The following FAM78B variants were observed in gnomAD, a reference collection of about 807,000 sequenced individuals.
FAM78B encodes family with sequence similarity 78 member B, also known as protein FAM78B.
FAM78B carries 10 observed loss-of-function variants against 20.0 expected under a neutral mutation model. The observed-to-expected ratio is 0.50, with a 90% CI of 0.31 to 0.85. The LOEUF is 0.85. FAM78B is among the 40% of genes least tolerant of loss of function. The probability of loss-of-function intolerance (pLI) is 0.05; values close to 1 mark genes in which losing one functional copy is unlikely to be tolerated. For missense variants in FAM78B, 283 were observed against 345.0 expected (o/e 0.82, Z 1.42); for synonymous variants, 135 against 132.8 (o/e 1.02, Z -0.12).
chr1:166,096,891 C>G (rs1027586920), intron 1 of FAM78B, among the ~76,000 whole-genome samples: 1 of 152,162 alleles, frequency 6.6e-6, no homozygotes, highest in African/African-American at 2.4e-5. Flanking sequence ...GATTGCAGCT[C>G]TGGACAGAGC....
intron 1 of FAM78B, among the ~76,000 whole-genome samples, chr1:166,137,498 T>C (rs550846512): frequency 5.6e-4 from 43 of 76,248 alleles, no homozygotes; most frequent in African/African-American, 1.6e-3. Flanking sequence ...GTAAGTCCAG[T>C]ACTTTTTTTT....
chr1:166,128,448 C>CCCT (rs1438607617), intron 1 of FAM78B, among the ~76,000 whole-genome samples: 2 of 152,224 alleles, frequency 1.3e-5, no homozygotes, highest in Non-Finnish European at 2.9e-5. Context: ...TCACATCCCT[C>CCCT]CCTCTCTGCA....
chr1:166,156,477 C>T lies in FAM78B; in HGVS notation c.263+9509G>A, dbSNP rs541632910. Among the ~76,000 whole-genome samples, 3 of 152,274 alleles carry T rather than the reference C, an allele frequency of 2.0e-5. No homozygotes were observed. The East Asian group carries it at 5.8e-4, about 30-fold the overall frequency. On this transcript the variant is annotated intron_variant, in intron 1 of 1. Transcript: ENST00000354422. ...GGGCACTGGGAGAGGAGGTGGGATG[C>T]CTGAGCATCAGGCCTGAGTCTACCA...
At chr1:166,145,711 G>T (rs539654057) in intron 1 of FAM78B, among the ~76,000 whole-genome samples, 1 of 152,290 alleles carries the variant, frequency 6.6e-6, no homozygotes, top group South Asian at 2.1e-4. Flanking sequence ...GGCATCAAAT[G>T]AAGCCCATCC....
intron 1 of FAM78B, among the ~76,000 whole-genome samples, chr1:166,093,581 T>G (rs1267506672): frequency 6.6e-6 from 1 of 152,218 alleles, no homozygotes; most frequent in Non-Finnish European, 1.5e-5. Flanking sequence ...TTTCTATTCC[T>G]TCTCACATGT....
chr1:166,071,304 A>G (rs1255859576), intron 1 of FAM78B, among the ~76,000 whole-genome samples: 1 of 152,260 alleles, frequency 6.6e-6, no homozygotes, highest in African/African-American at 2.4e-5. Flanking sequence ...GGCATCAGCC[A>G]ATTCATCGCT....
intron 1 of FAM78B, among the ~76,000 whole-genome samples, chr1:166,107,978 T>C (rs1182660387): frequency 6.6e-6 from 1 of 152,110 alleles, no homozygotes; most frequent in South Asian, 2.1e-4. Flanking sequence ...AAAATAGGCA[T>C]ACAAGGGACA....
At chr1:166,151,140 T>C (rs994821842) in intron 1 of FAM78B, among the ~76,000 whole-genome samples, 3 of 152,184 alleles carry the variant, frequency 2.0e-5, no homozygotes, top group African/African-American at 4.8e-5. Context: ...CAAATGCACG[T>C]AGACTTGTAA....
chr1:166,095,185 TG>T (rs1653229577), intron 1 of FAM78B, among the ~76,000 whole-genome samples: 1 of 151,788 alleles, frequency 6.6e-6, no homozygotes, highest in South Asian at 2.1e-4. Context: ...GTCCTCAGGG[TG>T]GTTGCATTTC....
intron 2 of FAM78B, among the ~76,000 whole-genome samples, chr1:166,063,944 T>C (rs1198592161): frequency 6.6e-6 from 1 of 152,252 alleles, no homozygotes; most frequent in Non-Finnish European, 1.5e-5. Context: ...CTTGGCCACA[T>C]GGCTTGCTGC....
At chr1:166,148,361 A>G (rs1334870880) in intron 1 of FAM78B, among the ~76,000 whole-genome samples, 1 of 152,194 alleles carries the variant, frequency 6.6e-6, no homozygotes, top group Non-Finnish European at 1.5e-5. Flanking sequence ...CAGGTGAAGC[A>G]TCTATATAAG....
chr1:166,059,007 G>A (rs1266905074), exon 3 of FAM78B: 1 of 152,586 alleles, frequency 6.6e-6, no homozygotes, highest in Non-Finnish European at 1.5e-5. Context: ...AATGGCCAAG[G>A]CTTGGGTTAT....
At chr1:166,139,549 A>G (rs879159669) in intron 1 of FAM78B, among the ~76,000 whole-genome samples, 4 of 152,252 alleles carry the variant, frequency 2.6e-5, no homozygotes, top group Non-Finnish European at 5.9e-5. Flanking sequence ...GGGAACAGAG[A>G]AGGAGCCCAT....
At chr1:166,061,747 T>C (rs1372743199) in intron 2 of FAM78B, among the ~76,000 whole-genome samples, 1 of 152,216 alleles carries the variant, frequency 6.6e-6, no homozygotes, top group Non-Finnish European at 1.5e-5. Flanking sequence ...TTGGTTAGAA[T>C]TGGTCAGAGG....
chr1:166,125,755 C>T (rs7553768), intron 1 of FAM78B, among the ~76,000 whole-genome samples: 116,368 of 151,736 alleles, frequency 0.77, 44,954 homozygotes, highest in Non-Finnish European at 0.82. Flanking sequence ...ACACTGAATA[C>T]GATGTAAACG....
At chr1:166,153,129 A>G (rs1274980476) in intron 1 of FAM78B, among the ~76,000 whole-genome samples, 2 of 152,200 alleles carry the variant, frequency 1.3e-5, no homozygotes, top group Non-Finnish European at 2.9e-5. Context: ...CCAGGCTTGG[A>G]GGCAACGTGG....
chr1:166,070,723 T>C lies in FAM78B; in HGVS notation c.304A>G (p.Lys102Glu), dbSNP rs749568372. 1 of 1,596,518 alleles carries C rather than the reference T, an allele frequency of 6.3e-7. No individual in the cohort carries two copies. The highest frequency in any genetic ancestry group is 1.1e-5 in the South Asian group (1 of 88,462). Residue 102 changes from lysine to glutamate, a missense_variant, in exon 2 of 2, where the codon AAA becomes GAA. Transcript: ENST00000354422. The part of the protein sequence containing the change: ...ELPDLREGRV[K>E]AISDSDGVSY... The stretch of plus-strand genomic sequence containing the variant: ...ACCCCATCTGAGTCACTGATGGCTT[T>C]TACTCTCCCTTCCCTCAAGTCAGGC...
chr1:166,147,256 G>A (rs919206394), intron 1 of FAM78B, among the ~76,000 whole-genome samples: 4 of 152,186 alleles, frequency 2.6e-5, no homozygotes, highest in Non-Finnish European at 5.9e-5. Flanking sequence ...GTTGTTGAAG[G>A]TAACAGTCAG....
chr1:166,088,919 C>T (rs1166761599), intron 1 of FAM78B, among the ~76,000 whole-genome samples: 1 of 152,142 alleles, frequency 6.6e-6, no homozygotes, highest in Non-Finnish European at 1.5e-5. Context: ...ATCCTCTGGC[C>T]TCTGACTCCC....
Sources: gnomAD v4.1 joint callset for allele counts (sites outside exome capture counted in the v4.1 genomes callset) on GRCh38, gnomAD v4.1.1 for gene constraint, MANE v1.5 for transcripts, NCBI Gene and HGNC (gene_info 2026-07-23, HGNC 2026-07-21) for gene names.